Variants in TUT4 observed in about 807,000 individuals in gnomAD.
TUT4 encodes terminal uridylyl transferase 4.
In TUT4, 36 loss-of-function variants were observed where a neutral mutation model predicts 192.2. The observed-to-expected ratio is 0.19, with a 90% CI of 0.14 to 0.25. The LOEUF is 0.25. Ranked by LOEUF, TUT4 falls within the 10% of genes least tolerant of loss-of-function variation. The pLI is 1.00. For missense variants in TUT4, 1,493 were observed against 1,957.2 expected (o/e 0.76, Z 4.47); for synonymous variants, 618 against 666.0 (o/e 0.93, Z 1.11).
chr1:52,515,908 T>C lies in TUT4; in HGVS notation c.865A>G (p.Ile289Val). The change falls in exon 3 of 30, where the codon ATC (isoleucine) becomes GTC (valine). Residue 289 changes from isoleucine (I) to valine (V), a missense_variant. Physicochemically the swap from Ile to Val is conservative, Grantham distance 29 (BLOSUM62 3). Coordinates refer to ENST00000257177, the MANE Select transcript of TUT4 (RefSeq NM_001009881.3). ...TAGTATACTTTTTCAAGTCGAAAGA[T>C]GTGATCTCTTTCTAAGCGTTCTTCT... ...QAEERLERDH[I>V]FRLEKRSPEY... 1 of 1,613,816 alleles carries C rather than the reference T, an allele frequency of 6.2e-7. No homozygotes were observed. The highest frequency in any genetic ancestry group is 8.5e-7 in the Non-Finnish European group (1 of 1,179,970).
intron 28 of TUT4, among the ~76,000 whole-genome samples, chr1:52,426,806 T>G (rs1318171732): frequency 6.6e-6 from 1 of 152,206 alleles, no homozygotes; most frequent in African/African-American, 2.4e-5. Context: ...CCCCTTTGCC[T>G]GTTTTTCATA....
chr1:52,476,005 CAGCTAATTTTTGT>C (rs1277563068), intron 12 of TUT4, among the ~76,000 whole-genome samples: 23 of 152,112 alleles, frequency 1.5e-4, no homozygotes, highest in African/African-American at 5.1e-4. Context: ...CCACCACGCC[CAGCTAATTTTTGT>C]ATTTTTAGTA....
chr1:52,501,954 G>T (rs1297438925), intron 4 of TUT4, among the ~76,000 whole-genome samples: 1 of 152,110 alleles, frequency 6.6e-6, no homozygotes, highest in African/African-American at 2.4e-5. Flanking sequence ...AGGGAGAGGG[G>T]AATGGGGAGT....
At position 52,424,039 on chromosome 1, in the gene TUT4, T is replaced by C. The variant is rs147842586; in HGVS notation, c.4871-37A>G. The C allele has an allele frequency of 6.5e-5, 103 of 1,581,664 alleles. No homozygotes were observed. The African/African-American group carries it at 1.2e-3, about 19-fold the overall frequency. ...AACACAGACAGGAAACTGAAAGGCT[T>C]GTGCCTGTTTATCTGACAACACCTT... On this transcript the variant is annotated intron_variant, in intron 29 of 29. Transcript: ENST00000257177.
At chr1:52,482,689 C>T (rs1440876237) in intron 9 of TUT4, among the ~76,000 whole-genome samples, 3 of 152,176 alleles carry the variant, frequency 2.0e-5, no homozygotes, top group African/African-American at 7.2e-5. Flanking sequence ...CCCGCTCGGC[C>T]TCCCAAAGTT....
At chr1:52,526,851 C>A (rs1481491257) in intron 1 of TUT4, among the ~76,000 whole-genome samples, 1 of 151,902 alleles carries the variant, frequency 6.6e-6, no homozygotes, top group Non-Finnish European at 1.5e-5. Context: ...ATGATAAAAT[C>A]CCACCTCTAC....
intron 3 of TUT4, among the ~76,000 whole-genome samples, chr1:52,511,854 G>C (rs1244009661): frequency 6.6e-6 from 1 of 152,162 alleles, no homozygotes; most frequent in African/African-American, 2.4e-5. Flanking sequence ...ATTTTAAAAG[G>C]ATCATTTGCT....
In TUT4 at chr1:52,543,746, A is replaced by G. The variant is rs561345451; in HGVS notation, c.-94+9185T>C. Among the ~76,000 whole-genome samples, 353 of 152,050 alleles carry G rather than the reference A, an allele frequency of 2.3e-3. 2 individuals carry two copies. Among genetic ancestry groups the G allele is most frequent in the African/African-American group, 8.1e-3 (338 of 41,514 alleles). On this transcript the variant is annotated intron_variant, in intron 1 of 29. Coordinates refer to ENST00000257177, the MANE Select transcript of TUT4 (RefSeq NM_001009881.3). ...TAATCCACCAGCCTCGGCCTCCTAA[A>G]GTGCTGGGATTACAGGCATGAGCCA...
intron 13 of TUT4, among the ~76,000 whole-genome samples, chr1:52,472,866 G>A (rs1666143018): frequency 2.0e-5 from 3 of 152,036 alleles, no homozygotes; most frequent in South Asian, 4.1e-4. Context: ...ATCCTAAAGT[G>A]TCTTTCTCCA....
At chr1:52,552,674 A>G (rs1223084701) in intron 1 of TUT4, among the ~76,000 whole-genome samples, 2 of 152,130 alleles carry the variant, frequency 1.3e-5, no homozygotes, top group East Asian at 3.9e-4. Context: ...TCGTCCCCAA[A>G]GCGCCCCAAT....
intron 27 of TUT4, chr1:52,435,071 A>G: frequency 1.0e-5 from 2 of 196,094 alleles, no homozygotes; most frequent in Non-Finnish European, 2.1e-5. Context: ...CACTAAGCAA[A>G]GTCTGAAACC....
chr1:52,476,179 C>A (rs991314666), intron 12 of TUT4, among the ~76,000 whole-genome samples: 2 of 151,294 alleles, frequency 1.3e-5, no homozygotes, highest in Non-Finnish European at 2.9e-5. Context: ...ATGCTCTTTG[C>A]AATATAAACA....
chr1:52,430,994 G>C lies in TUT4; in HGVS notation c.4711+19C>G. On this transcript the variant is annotated intron_variant, in intron 28 of 29. Transcript: ENST00000257177. The stretch of plus-strand genomic sequence containing the variant: ...GAAGAAAAGACATGCAGATAAAAAA[G>C]AAGAAAAGGAAAGGTTACCTGAATT... 1 of 1,535,414 alleles carries C rather than the reference G, an allele frequency of 6.5e-7. No individual in the cohort carries two copies. Among genetic ancestry groups the C allele is most frequent in the Non-Finnish European group, 8.8e-7 (1 of 1,140,854 alleles).
chr1:52,445,714 T>C, intron 24 of TUT4, 73 bp downstream of exon 24: 4 of 1,166,566 alleles, frequency 3.4e-6, no homozygotes, highest in Non-Finnish European at 5.0e-6. Context: ...TAACATCAGT[T>C]TGGAAACACA....
At chr1:52,457,103 T>C (rs965928631) in intron 20 of TUT4, among the ~76,000 whole-genome samples, 2 of 152,194 alleles carry the variant, frequency 1.3e-5, no homozygotes, top group South Asian at 2.1e-4. Context: ...TAGGAAAGGA[T>C]TCCCATCCAT....
intron 19 of TUT4, chr1:52,460,877 A>G (rs2131553): frequency 0.3 from 78,640 of 260,338 alleles, 16,493 homozygotes; most frequent in African/African-American, 0.7. Flanking sequence ...GCCTGGGGCT[A>G]AAATCACTGC....
intron 4 of TUT4, among the ~76,000 whole-genome samples, 175 bp from the exon 5 acceptor site, chr1:52,497,358 G>A (rs1057063225): frequency 2.6e-5 from 4 of 152,208 alleles, no homozygotes; most frequent in African/African-American, 9.6e-5. Flanking sequence ...GGGAAGCAGG[G>A]TTTTGAGAAT....
chr1:52,445,721 C>T lies in TUT4; in HGVS notation c.3822+66G>A, dbSNP rs994237592. The stretch of plus-strand genomic sequence containing the variant: ...CCTATATCTAACATCAGTTTGGAAA[C>T]ACAATTAAGTTTCTTGTTCTATTTA... On this transcript the variant is annotated intron_variant, in intron 24 of 29. Transcript: ENST00000257177. The T allele has an allele frequency of 2.3e-5, 28 of 1,232,546 alleles. No homozygotes were observed. The African/African-American group carries it at 3.8e-4, about 17-fold the overall frequency. 76.4% of individuals were successfully genotyped at this position (1,232,546 alleles called of 1,614,324 possible).
intron 3 of TUT4, chr1:52,514,754 G>A (rs547097594): frequency 1.3e-5 from 2 of 148,374 alleles, no homozygotes; most frequent in African/African-American, 2.5e-5. Context: ...CCAAGTATCT[G>A]TTTGTCAATA....
Sources: allele counts gnomAD v4.1 joint callset (sites outside exome capture counted in the v4.1 genomes callset), GRCh38; gene constraint gnomAD v4.1.1; transcripts MANE v1.5; gene names NCBI Gene and HGNC (gene_info 2026-07-23, HGNC 2026-07-21).